NKAIN2: variants seen among roughly 807,000 people sequenced by gnomAD.
The protein encoded by NKAIN2 is sodium/potassium-transporting ATPase subunit beta-1-interacting protein 2.
In NKAIN2, 14 loss-of-function variants were observed where a neutral mutation model predicts 32.6. That is an observed-to-expected ratio of 0.43 (90% CI 0.28 to 0.67). The LOEUF is 0.67. Ranked by LOEUF, NKAIN2 falls within the 30% of genes least tolerant of loss-of-function variation. The pLI is 0.17. For synonymous variants in NKAIN2, 80 were observed against 87.2 expected, an observed-to-expected ratio of 0.92 and a Z score of 0.46; for missense variants, 198 against 258.3, an observed-to-expected ratio of 0.77 and a Z score of 1.60.
At position 124,635,368 on chromosome 6, in the gene NKAIN2, C is replaced by A. The variant is rs1381540900; in HGVS notation, c.274-22818C>A. On this transcript the variant is annotated intron_variant, in intron 3 of 6. Coordinates refer to ENST00000368417, the MANE Select transcript of NKAIN2 (RefSeq NM_001040214.3). ...AATCAAATGATATCACTACAGAAAACCAGCAAATGGCAAAGATAAAGAATA... is the reference window on the plus strand; with the variant it reads ...AATCAAATGATATCACTACAGAAAAACAGCAAATGGCAAAGATAAAGAATA... Among the ~76,000 whole-genome samples, 8 of 151,792 alleles carry A rather than the reference C, an allele frequency of 5.3e-5. No individual in the cohort carries two copies. In the South Asian group the frequency reaches 1.0e-3, roughly 20 times the overall value.
At chr6:124,640,350 C>A (rs1241474552) in intron 3 of NKAIN2, among the ~76,000 whole-genome samples, 1 of 152,082 alleles carries the variant, frequency 6.6e-6, no homozygotes, top group Non-Finnish European at 1.5e-5. Context: ...CATAAATATG[C>A]TTTTAAAATT....
At chr6:124,003,003 T>G (rs531514935) in intron 1 of NKAIN2, among the ~76,000 whole-genome samples, 1 of 152,282 alleles carries the variant, frequency 6.6e-6, no homozygotes, top group East Asian at 1.9e-4. Flanking sequence ...GTAAAATAAA[T>G]TCATGGTTAG....
At chr6:124,728,045 C>T (rs1286290982) in intron 4 of NKAIN2, among the ~76,000 whole-genome samples, 3 of 151,780 alleles carry the variant, frequency 2.0e-5, no homozygotes, top group East Asian at 1.9e-4. Context: ...CAGGAGCACC[C>T]GGATTAATAA....
At chr6:124,367,851 A>C (rs569752475) in intron 3 of NKAIN2, among the ~76,000 whole-genome samples, 26 of 152,266 alleles carry the variant, frequency 1.7e-4, no homozygotes, top group African/African-American at 6.0e-4. Context: ...CACTTGACCT[A>C]AGGGGCCACT....
chr6:124,437,072 C>CT (rs1346144196), intron 3 of NKAIN2, among the ~76,000 whole-genome samples: 4 of 152,150 alleles, frequency 2.6e-5, no homozygotes, highest in African/African-American at 7.2e-5. Context: ...AGTCAAATGT[C>CT]TTTTTTGTGA....
chr6:124,013,787 A>G (rs1286887684), intron 1 of NKAIN2, among the ~76,000 whole-genome samples: 1 of 152,210 alleles, frequency 6.6e-6, no homozygotes, highest in Non-Finnish European at 1.5e-5. Flanking sequence ...TGAGGTCAGA[A>G]AGCAATGCAA....
intron 3 of NKAIN2, among the ~76,000 whole-genome samples, chr6:124,647,907 A>C (rs1583578845): frequency 6.6e-6 from 1 of 152,108 alleles, no homozygotes; most frequent in Non-Finnish European, 1.5e-5. Flanking sequence ...TCTGTAAAAC[A>C]AGAGAAGAAA....
chr6:123,876,676 C>T (rs1000159132), intron 1 of NKAIN2, among the ~76,000 whole-genome samples: 1 of 152,146 alleles, frequency 6.6e-6, no homozygotes, highest in Non-Finnish European at 1.5e-5. Flanking sequence ...TCAGCTCAAG[C>T]AGTCAAGCAG....
chr6:124,810,203 A>C, intron 5 of NKAIN2, among the ~76,000 whole-genome samples: 1 of 152,062 alleles, frequency 6.6e-6, no homozygotes, highest in Non-Finnish European at 1.5e-5. Flanking sequence ...TTGCGGCACT[A>C]TTCACAATAG....
At chr6:124,017,785 G>C (rs561004544) in intron 1 of NKAIN2, among the ~76,000 whole-genome samples, 1 of 150,536 alleles carries the variant, frequency 6.6e-6, no homozygotes, top group Admixed American at 6.6e-5. Context: ...CCCCCACCCC[G>C]ACCCCCCGGC....
intron 1 of NKAIN2, among the ~76,000 whole-genome samples, chr6:123,991,660 A>G (rs1779417319): frequency 6.6e-6 from 1 of 152,120 alleles, no homozygotes; most frequent in Non-Finnish European, 1.5e-5. Flanking sequence ...CAGGAGATGG[A>G]GACCATCCTG....
intron 2 of NKAIN2, among the ~76,000 whole-genome samples, chr6:124,340,896 A>G (rs975825638): frequency 1.3e-5 from 2 of 152,200 alleles, no homozygotes; most frequent in African/African-American, 2.4e-5. Context: ...AATTAATCAT[A>G]TACAGGTGTT....
At chr6:124,300,146 C>A (rs1037714541) in intron 2 of NKAIN2, among the ~76,000 whole-genome samples, 1 of 152,166 alleles carries the variant, frequency 6.6e-6, no homozygotes, top group Non-Finnish European at 1.5e-5. Context: ...CAAATCTCAT[C>A]TTGAATTGTA....
intron 3 of NKAIN2, among the ~76,000 whole-genome samples, chr6:124,472,601 C>T (rs1273303289): frequency 1.3e-5 from 2 of 151,528 alleles, no homozygotes; most frequent in Non-Finnish European, 2.9e-5. Flanking sequence ...AGAATGGGTT[C>T]GAGCATCGTG....
At chr6:124,719,678 C>T (rs2114628266) in intron 4 of NKAIN2, among the ~76,000 whole-genome samples, 1 of 151,170 alleles carries the variant, frequency 6.6e-6, no homozygotes, top group South Asian at 2.1e-4. Flanking sequence ...AATACCATGG[C>T]TGACCTATGA....
At chr6:124,806,456 A>G (rs1162759119) in intron 5 of NKAIN2, among the ~76,000 whole-genome samples, 2 of 152,090 alleles carry the variant, frequency 1.3e-5, no homozygotes, top group Non-Finnish European at 2.9e-5. Context: ...TTTTGTCACC[A>G]CCAGGCCTGC....
chr6:124,700,724 C>A (rs1285223462), intron 4 of NKAIN2, among the ~76,000 whole-genome samples: 1 of 151,848 alleles, frequency 6.6e-6, no homozygotes, highest in Non-Finnish European at 1.5e-5. Flanking sequence ...CTGACATGAA[C>A]CTAGAGAGAA....
At position 123,955,156 on chromosome 6, in the gene NKAIN2, G is replaced by A. The variant is rs1305997994; in HGVS notation, c.54+150902G>A. Among the ~76,000 whole-genome samples the A allele has an allele frequency of 3.7e-5, 5 of 136,036 alleles. No individual in the cohort carries two copies. In the South Asian group the frequency reaches 1.1e-3, roughly 31 times the overall value. 89.2% of individuals were successfully genotyped at this position (136,036 alleles called of 152,430 possible). On this transcript the variant is annotated intron_variant, in intron 1 of 6. Coordinates refer to ENST00000368417, the MANE Select transcript of NKAIN2 (RefSeq NM_001040214.3). The stretch of plus-strand genomic sequence containing the variant: ...ATGAGACATCAGTGGTCATAGGATA[G>A]AAGAGTATATAACTGATTCTCAAGG...
intron 1 of NKAIN2, among the ~76,000 whole-genome samples, chr6:123,994,319 T>G (rs1448114841): frequency 6.6e-6 from 1 of 152,148 alleles, no homozygotes; most frequent in Non-Finnish European, 1.5e-5. Context: ...TAAATCAATT[T>G]ATTTTTGAAC....
Sources: gnomAD v4.1 joint callset for allele counts (sites outside exome capture counted in the v4.1 genomes callset) on GRCh38, gnomAD v4.1.1 for gene constraint, MANE v1.5 for transcripts, NCBI Gene and HGNC (gene_info 2026-07-23, HGNC 2026-07-21) for gene names.